The following PPARGC1A variants were observed in gnomAD, a reference collection of about 807,000 sequenced individuals.
The protein encoded by PPARGC1A is peroxisome proliferator-activated receptor gamma coactivator 1-alpha.
In PPARGC1A, 25 loss-of-function variants were observed where a neutral mutation model predicts 88.7. That is an observed-to-expected ratio of 0.28 (90% CI 0.21 to 0.39). PPARGC1A has a LOEUF of 0.39. PPARGC1A is among the 10% of genes least tolerant of loss of function. PPARGC1A has a pLI of 1.00. For missense variants in PPARGC1A, 880 were observed against 968.7 expected, an observed-to-expected ratio of 0.91 and a Z score of 1.22; for synonymous variants, 363 against 355.6, an observed-to-expected ratio of 1.02 and a Z score of -0.24.
intron 2 of PPARGC1A, among the ~76,000 whole-genome samples, chr4:23,868,461 G>T (rs777703844): frequency 6.6e-6 from 1 of 152,166 alleles, no homozygotes; most frequent in Admixed American, 6.5e-5. Context: ...GAATTTGGTA[G>T]AGCCCCTGTA....
At chr4:24,117,815 C>A in the PPARGC1A span, among the ~76,000 whole-genome samples, 1,215 of 152,114 alleles carry the variant, frequency 8.0e-3, 19 homozygotes, top group African/African-American at 0.027. Context: ...TTGGATGATA[C>A]TCATGTCCAC....
At chr4:24,147,342 G>A in the PPARGC1A span, among the ~76,000 whole-genome samples, 3 of 152,198 alleles carry the variant, frequency 2.0e-5, no homozygotes, top group African/African-American at 7.2e-5. Context: ...TTGTTTCCCA[G>A]CTTCCTGAAT....
At chr4:24,175,293 A>G in the PPARGC1A span, among the ~76,000 whole-genome samples, 2 of 151,128 alleles carry the variant, frequency 1.3e-5, no homozygotes, top group African/African-American at 4.9e-5. Flanking sequence ...AATGATAAAG[A>G]GATGATCCCA....
At chr4:24,029,407 G>A in the PPARGC1A span, among the ~76,000 whole-genome samples, 4 of 152,174 alleles carry the variant, frequency 2.6e-5, no homozygotes, top group East Asian at 3.9e-4. Context: ...TCCCAGGTCC[G>A]TTCCTTCTCC....
intron 2 of PPARGC1A, among the ~76,000 whole-genome samples, chr4:23,840,211 C>A (rs1401340869): frequency 6.6e-6 from 1 of 152,004 alleles, no homozygotes; most frequent in South Asian, 2.1e-4. Flanking sequence ...CCAAGCAGAA[C>A]CTTTTTTGAG....
chr4:23,894,965 T>C (rs149794917), upstream of PPARGC1A, among the ~76,000 whole-genome samples: 122 of 152,234 alleles, frequency 8.0e-4, no homozygotes, highest in Middle Eastern at 3.4e-3. Context: ...TAGGATTATC[T>C]AGCAATTTTT....
the PPARGC1A span, among the ~76,000 whole-genome samples, chr4:24,204,858 C>T: frequency 6.6e-6 from 1 of 152,270 alleles, no homozygotes; most frequent in Admixed American, 6.5e-5. Context: ...GGGTCTCACT[C>T]TGTCACCCAG....
In PPARGC1A at chr4:23,824,276, T is replaced by C. The variant is rs776586631; in HGVS notation, c.877+4A>G. The C allele has an allele frequency of 2.5e-6, 4 of 1,611,140 alleles. No individual in the cohort carries two copies. In the Admixed American group the frequency reaches 6.7e-5, roughly 27 times the overall value. ...ACAAGTTCTAAGTGAAATATAAGGC[T>C]TACCTGCAGTTCCAGAGAGTTCCAC... On this transcript the variant is annotated splice_donor_region_variant and intron_variant, in intron 7 of 12. Transcript: ENST00000264867.
At chr4:23,992,252 T>G in the PPARGC1A span, among the ~76,000 whole-genome samples, 1 of 149,896 alleles carries the variant, frequency 6.7e-6, no homozygotes, top group Non-Finnish European at 1.5e-5. Context: ...GTTGATATTA[T>G]GATTATTATC....
At chr4:24,174,246 A>G in the PPARGC1A span, among the ~76,000 whole-genome samples, 1 of 152,220 alleles carries the variant, frequency 6.6e-6, no homozygotes, top group African/African-American at 2.4e-5. Context: ...GCCATCAAGT[A>G]AACCCTTTGC....
At chr4:24,207,475 C>G in the PPARGC1A span, among the ~76,000 whole-genome samples, 3 of 152,114 alleles carry the variant, frequency 2.0e-5, no homozygotes, top group Admixed American at 6.5e-5. Context: ...GAAATTTTCC[C>G]CCTTTTTAAT....
At chr4:23,908,171 G>T (rs1378888337), upstream of PPARGC1A, among the ~76,000 whole-genome samples, 1 of 152,304 alleles carries the variant, frequency 6.6e-6, no homozygotes, top group South Asian at 2.1e-4. Context: ...GAGAACGAGC[G>T]ACAGTGTCTG....
At chr4:24,031,227 C>G in the PPARGC1A span, among the ~76,000 whole-genome samples, 1 of 152,144 alleles carries the variant, frequency 6.6e-6, no homozygotes, top group Non-Finnish European at 1.5e-5. Context: ...CCACAAGAAT[C>G]GAATCACTTG....
chr4:23,827,706 A>C (rs1724210910), intron 5 of PPARGC1A, among the ~76,000 whole-genome samples: 1 of 152,208 alleles, frequency 6.6e-6, no homozygotes, highest in Non-Finnish European at 1.5e-5. Flanking sequence ...CCAGATGTTT[A>C]GTTTAATCTA....
chr4:24,116,541 G>C, the PPARGC1A span, among the ~76,000 whole-genome samples: 1 of 152,164 alleles, frequency 6.6e-6, no homozygotes. Flanking sequence ...AAGAGTGGAA[G>C]ACAGTTCCTT....
At chr4:24,088,605 T>C in the PPARGC1A span, among the ~76,000 whole-genome samples, 1 of 152,180 alleles carries the variant, frequency 6.6e-6, no homozygotes, top group Admixed American at 6.5e-5. Context: ...AATATCTGTC[T>C]GCCAGAGTAC....
the PPARGC1A span, among the ~76,000 whole-genome samples, chr4:24,122,385 ATGTGTGTGTG>A: frequency 9.4e-6 from 1 of 105,922 alleles, no homozygotes; most frequent in Non-Finnish European, 2.0e-5. Context: ...GTGTATGCGT[ATGTGTGTGTG>A]TGTGTGTGTG....
At chr4:24,300,897 G>A in the PPARGC1A span, among the ~76,000 whole-genome samples, 107,692 of 152,012 alleles carry the variant, frequency 0.71, 39,264 homozygotes, top group African/African-American at 0.88. Flanking sequence ...CATAGGAACA[G>A]TGGCTGGAGA....
the PPARGC1A span, among the ~76,000 whole-genome samples, chr4:24,118,621 A>G: frequency 2.0e-5 from 3 of 152,208 alleles, no homozygotes; most frequent in Non-Finnish European, 2.9e-5. Flanking sequence ...TGGTTCTTAA[A>G]TGAACCATTT....
Sources: allele counts gnomAD v4.1 joint callset (sites outside exome capture counted in the v4.1 genomes callset), GRCh38; gene constraint gnomAD v4.1.1; transcripts MANE v1.5; gene names NCBI Gene and HGNC (gene_info 2026-07-23, HGNC 2026-07-21).